Variants in RBFOX1 observed in about 807,000 individuals in gnomAD.
RBFOX1 encodes RNA binding fox-1 homolog 1.
Under a neutral mutation model 57.7 loss-of-function variants are expected in RBFOX1, and 8 were observed. The ratio of observed to expected loss-of-function variants is 0.14; its 90% CI spans 0.08 to 0.25. The LOEUF (loss-of-function observed/expected upper bound fraction) is 0.25, where lower values mean the gene tolerates loss of function less well. RBFOX1 is among the 10% of genes least tolerant of loss of function. The pLI is 1.00. For missense variants in RBFOX1, 611 were observed against 548.5 expected, an observed-to-expected ratio of 1.11 and a Z score of -1.14; for synonymous variants, 326 against 222.4, an observed-to-expected ratio of 1.47 and a Z score of -4.15.
intron 1 of RBFOX1, among the ~76,000 whole-genome samples, chr16:5,326,647 T>A (rs1380653490): frequency 6.6e-6 from 1 of 152,206 alleles, no homozygotes; most frequent in African/African-American, 2.4e-5. Flanking sequence ...ATCCAAGATC[T>A]GTAGGCATCT....
intron 1 of RBFOX1, among the ~76,000 whole-genome samples, chr16:6,277,959 T>C (rs2076000685): frequency 6.6e-6 from 1 of 152,172 alleles, no homozygotes; most frequent in African/African-American, 2.4e-5. Context: ...CGGAGTTTAA[T>C]TCCAAGTAAT....
At chr16:7,663,325 A>T (rs1484593823) in intron 12 of RBFOX1, among the ~76,000 whole-genome samples, 1 of 152,240 alleles carries the variant, frequency 6.6e-6, no homozygotes, top group Non-Finnish European at 1.5e-5. Context: ...TCCCGGATCA[A>T]ATATGAACAA....
At chr16:6,658,912 G>GTTTTTTTT in intron 3 of RBFOX1, among the ~76,000 whole-genome samples, 1 of 111,412 alleles carries the variant, frequency 9.0e-6, no homozygotes, top group Non-Finnish European at 1.8e-5. Flanking sequence ...CAGGTTTTTT[G>GTTTTTTTT]TTTTTTTGTT....
chr16:6,898,679 C>A (rs532480377), intron 3 of RBFOX1, among the ~76,000 whole-genome samples: 63 of 152,060 alleles, frequency 4.1e-4, no homozygotes, highest in African/African-American at 1.4e-3. Context: ...TGTGTGTGTA[C>A]ATGTGTATAT....
chr16:6,241,097 A>C (rs1415322382), intron 1 of RBFOX1, among the ~76,000 whole-genome samples: 1 of 152,218 alleles, frequency 6.6e-6, no homozygotes, highest in East Asian at 1.9e-4. Flanking sequence ...CCTGGAAATA[A>C]AACCCAATCT....
At chr16:6,992,228 A>G (rs189588215) in intron 3 of RBFOX1, among the ~76,000 whole-genome samples, 11 of 151,668 alleles carry the variant, frequency 7.3e-5, no homozygotes, top group Admixed American at 3.3e-4. Context: ...CAGTGGTGCA[A>G]TCTCGGCTTA....
At chr16:7,545,814 A>G (rs935838319) in intron 5 of RBFOX1, among the ~76,000 whole-genome samples, 2 of 152,078 alleles carry the variant, frequency 1.3e-5, no homozygotes, top group African/African-American at 4.8e-5. Context: ...CTGACACTGA[A>G]TAACCATCAT....
intron 3 of RBFOX1, among the ~76,000 whole-genome samples, chr16:5,623,649 C>T (rs934202564): frequency 2.0e-5 from 3 of 152,054 alleles, no homozygotes; most frequent in African/African-American, 7.2e-5. Context: ...CCCCTTCCCC[C>T]AGCTGCTTGT....
intron 4 of RBFOX1, among the ~76,000 whole-genome samples, chr16:7,423,647 A>G (rs1028742883): frequency 2.6e-5 from 4 of 152,080 alleles, no homozygotes; most frequent in African/African-American, 4.8e-5. Flanking sequence ...TGTGCTGTTT[A>G]TATGGTGCAT....
intron 3 of RBFOX1, chr16:6,703,823 G>A (rs1253487640): frequency 6.6e-6 from 1 of 152,344 alleles, no homozygotes; most frequent in Non-Finnish European, 1.5e-5. Flanking sequence ...CATCTGGGTG[G>A]CTTCCCCTCT....
chr16:7,282,168 A>T (rs1209244473), intron 4 of RBFOX1, among the ~76,000 whole-genome samples: 1 of 152,110 alleles, frequency 6.6e-6, no homozygotes, highest in Non-Finnish European at 1.5e-5. Context: ...TGGCCGACTA[A>T]AGCGATGTCT....
At chr16:7,220,360 A>C (rs1172838525) in intron 4 of RBFOX1, among the ~76,000 whole-genome samples, 2 of 152,184 alleles carry the variant, frequency 1.3e-5, no homozygotes, top group African/African-American at 4.8e-5. Context: ...ACATGGCCCC[A>C]AGTATAGGAC....
At position 6,846,258 on chromosome 16, in the gene RBFOX1, G is replaced by A. The variant is rs116776946; in HGVS notation, c.-16+191608G>A. Among the ~76,000 whole-genome samples, 868 of 152,236 alleles carry A rather than the reference G, an allele frequency of 5.7e-3. 11 individuals are homozygous for A. The highest frequency in any genetic ancestry group is 0.02 in the African/African-American group (818 of 41,530). On this transcript the variant is annotated intron_variant, in intron 3 of 15. Coordinates refer to ENST00000550418, the MANE Select transcript of RBFOX1 (RefSeq NM_018723.4). ...GTGTGATAGCTTCACCTCCTATTAC[G>A]TGAATTGGCCCGAAGATCCCCAATT...
rs530662780 is a variant in RBFOX1 at position 5,401,889 on chromosome 16, C to G, written c.220-65327C>G. Among the ~76,000 whole-genome samples the G allele has an allele frequency of 9.1e-4, 138 of 152,158 alleles. 1 individual carries two copies. The highest frequency in any genetic ancestry group is 2.9e-3 in the African/African-American group (122 of 41,510). ...TCGTCGTCGTCATTTCTGTCTCTGT[C>G]TCTCTTTCTTTTCTCTATTTTTACT... On this transcript the variant is annotated intron_variant, in intron 1 of 2. Coordinates refer to the RBFOX1 transcript ENST00000585867.
At chr16:7,569,331 AT>A (rs1206603854) in intron 5 of RBFOX1, among the ~76,000 whole-genome samples, 1 of 152,128 alleles carries the variant, frequency 6.6e-6, no homozygotes, top group Non-Finnish European at 1.5e-5. Context: ...TAGGCTCATA[AT>A]TTGATCTTTC....
At chr16:5,695,814 G>A (rs1376772546) in intron 3 of RBFOX1, among the ~76,000 whole-genome samples, 1 of 152,050 alleles carries the variant, frequency 6.6e-6, no homozygotes, top group Non-Finnish European at 1.5e-5. Flanking sequence ...AAGGAAAGGA[G>A]GTAACTATAG....
At chr16:5,462,995 AAGTG>A (rs1225598794) in intron 1 of RBFOX1, among the ~76,000 whole-genome samples, 2 of 152,228 alleles carry the variant, frequency 1.3e-5, no homozygotes, top group Non-Finnish European at 2.9e-5. Context: ...TATAAAAAGA[AAGTG>A]AGCAGATCAA....
intron 4 of RBFOX1, among the ~76,000 whole-genome samples, chr16:5,923,154 G>T (rs2058862178): frequency 6.6e-6 from 1 of 152,196 alleles, no homozygotes; most frequent in African/African-American, 2.4e-5. Context: ...TCTGTAACCA[G>T]AGAGGAAAAA....
At chr16:5,488,022 TG>T (rs2042691889) in intron 2 of RBFOX1, among the ~76,000 whole-genome samples, 1 of 152,040 alleles carries the variant, frequency 6.6e-6, no homozygotes. Flanking sequence ...ATGATGATGA[TG>T]GTTGTGGTGC....
Sources: gnomAD v4.1 joint callset for allele counts (sites outside exome capture counted in the v4.1 genomes callset) on GRCh38, gnomAD v4.1.1 for gene constraint, MANE v1.5 for transcripts, NCBI Gene and HGNC (gene_info 2026-07-23, HGNC 2026-07-21) for gene names.